Variants in IL1RAP observed in about 807,000 individuals in gnomAD.
IL1RAP encodes interleukin 1 receptor accessory protein.
Under a neutral mutation model 60.7 loss-of-function variants are expected in IL1RAP, and 35 were observed. The observed-to-expected ratio is 0.58, with a 90% CI of 0.44 to 0.76. IL1RAP has a LOEUF of 0.76. IL1RAP is among the 30% of genes least tolerant of loss of function. The pLI is 0.00. For missense variants in IL1RAP, 572 were observed against 693.9 expected (o/e 0.82, Z 1.97); for synonymous variants, 268 against 250.9 (o/e 1.07, Z -0.64).
intron 1 of IL1RAP, among the ~76,000 whole-genome samples, chr3:190,533,827 G>A (rs1723190260): frequency 6.6e-6 from 1 of 152,130 alleles, no homozygotes; most frequent in African/African-American, 2.4e-5. Context: ...GGCCAGACAA[G>A]CATCCCCTGA....
chr3:190,607,184 T>C (rs917526018), intron 4 of IL1RAP, among the ~76,000 whole-genome samples: 4 of 152,244 alleles, frequency 2.6e-5, no homozygotes, highest in African/African-American at 9.6e-5. Flanking sequence ...TAAGTCATTT[T>C]GGTACCAGAT....
intron 9 of IL1RAP, among the ~76,000 whole-genome samples, chr3:190,641,719 A>G (rs1401341429): frequency 6.6e-6 from 1 of 152,222 alleles, no homozygotes; most frequent in Non-Finnish European, 1.5e-5. Context: ...GCAGCCAGCA[A>G]CAACCTCCAC....
chr3:190,631,146 G>A (rs1349575752), intron 9 of IL1RAP, among the ~76,000 whole-genome samples: 1 of 152,154 alleles, frequency 6.6e-6, no homozygotes, highest in Non-Finnish European at 1.5e-5. Flanking sequence ...GATTATAGTG[G>A]CAGGATGTTT....
chr3:190,619,740 A>G (rs1015035404), intron 5 of IL1RAP, among the ~76,000 whole-genome samples: 18 of 152,000 alleles, frequency 1.2e-4, no homozygotes, highest in Non-Finnish European at 2.4e-4. Context: ...AAAAAAAAAA[A>G]AGTAATAAAA....
At chr3:190,607,271 C>CACATA in intron 4 of IL1RAP, among the ~76,000 whole-genome samples, 1 of 152,164 alleles carries the variant, frequency 6.6e-6, no homozygotes, top group South Asian at 2.1e-4. Flanking sequence ...ACATAGACTC[C>CACATA]TTATCCCATC....
chr3:190,530,849 T>A (rs1722925902), intron 1 of IL1RAP, among the ~76,000 whole-genome samples: 1 of 152,202 alleles, frequency 6.6e-6, no homozygotes, highest in Admixed American at 6.5e-5. Flanking sequence ...ATGTTCATTA[T>A]CTCATTTGAT....
rs145852705 is a variant in IL1RAP, at chr3:190,565,351, G to A, written c.64+998G>A. Among the ~76,000 whole-genome samples, 316 of 152,144 alleles carry A rather than the reference G, an allele frequency of 2.1e-3. 1 individual carries two copies. Among genetic ancestry groups the A allele is most frequent in the African/African-American group, 7.5e-3 (310 of 41,510 alleles). ...CTTTAATTCCTTTTCTTTGTGAGAG[G>A]GCTTCTGCAATGTTAAGTTAGCTAC... On this transcript the variant is annotated intron_variant, in intron 3 of 11. Transcript: ENST00000447382.
chr3:190,565,255 G>A (rs968480013), intron 3 of IL1RAP, among the ~76,000 whole-genome samples: 3 of 151,652 alleles, frequency 2.0e-5, no homozygotes, highest in South Asian at 2.1e-4. Flanking sequence ...GGAACCTAGA[G>A]GTCCTCATTT....
chr3:190,650,971 ATTT>A lies in IL1RAP; in HGVS notation c.*2267_*2269del. 3.0e-6 allele frequency: 3 copies of A among 985,350 alleles called. No individual in the cohort carries two copies. In the Middle Eastern group the frequency reaches 1.6e-3, roughly 515 times the overall value. 61.0% of individuals were successfully genotyped at this position (985,350 alleles called of 1,614,324 possible). Reference sequence around the variant, plus strand: ...CTAGAAATACCTTGATGTTTTTTCTATTTATATGCCTGCCTTTGGTACTTAATT... The same window carrying A: ...CTAGAAATACCTTGATGTTTTTTCTAATATGCCTGCCTTTGGTACTTAATT... On this transcript the variant is annotated 3_prime_UTR_variant, in exon 12 of 12. Transcript: ENST00000447382.
intron 1 of IL1RAP, among the ~76,000 whole-genome samples, chr3:190,515,720 A>G (rs1721454866): frequency 6.6e-6 from 1 of 152,072 alleles, no homozygotes; most frequent in Admixed American, 6.6e-5. Context: ...AAAGACAAGA[A>G]GACAAAGTTG....
At position 190,649,051 on chromosome 3, in the gene IL1RAP, T is replaced by G. The variant is rs958348126; in HGVS notation, c.*346T>G. On this transcript the variant is annotated 3_prime_UTR_variant, in exon 12 of 12. Coordinates refer to ENST00000447382, the MANE Select transcript of IL1RAP (RefSeq NM_002182.4). ...CATATGGAGCAGCCTTTCCTATGAATTTAAATATGCCTTTAAAATAAGTCA... is the reference window on the plus strand; with the variant it reads ...CATATGGAGCAGCCTTTCCTATGAAGTTAAATATGCCTTTAAAATAAGTCA... 2.0e-6 allele frequency: 2 copies of G among 1,003,940 alleles called. No individual in the cohort carries two copies. Among genetic ancestry groups the G allele is most frequent in the Non-Finnish European group, 2.4e-6 (2 of 842,584 alleles). The allele number at this position is 1,003,940 out of a possible 1,614,324, so 62.2% of individuals were successfully genotyped here.
chr3:190,628,492 G>C (rs1236603153), intron 8 of IL1RAP, among the ~76,000 whole-genome samples: 3 of 152,172 alleles, frequency 2.0e-5, no homozygotes, highest in Admixed American at 2.0e-4. Flanking sequence ...AGTAAGCCTA[G>C]TTAAAAAGAG....
intron 1 of IL1RAP, among the ~76,000 whole-genome samples, chr3:190,527,052 C>A (rs909906526): frequency 6.6e-6 from 1 of 152,190 alleles, no homozygotes; most frequent in Admixed American, 6.5e-5. Context: ...TCCAACCTTG[C>A]CTGTCTATCT....
At chr3:190,624,826 A>T (rs1342978504) in intron 7 of IL1RAP, 1 of 161,580 alleles carries the variant, frequency 6.2e-6, no homozygotes, top group Non-Finnish European at 1.4e-5. Flanking sequence ...TACAGCCCTG[A>T]TGCGTATCTC....
intron 7 of IL1RAP, among the ~76,000 whole-genome samples, chr3:190,626,919 C>A (rs939255488): frequency 2.0e-5 from 3 of 152,128 alleles, no homozygotes; most frequent in Non-Finnish European, 2.9e-5. Context: ...ATCCACCTGC[C>A]TCGGCCTCCC....
At chr3:190,617,460 G>A (rs758644074) in intron 5 of IL1RAP, among the ~76,000 whole-genome samples, 38 of 152,084 alleles carry the variant, frequency 2.5e-4, no homozygotes, top group Admixed American at 3.9e-4. Context: ...TTGAAAAATC[G>A]CTCTTCTATT....
intron 1 of IL1RAP, chr3:190,520,454 A>G (rs977589952): frequency 6.6e-6 from 1 of 152,190 alleles, no homozygotes; most frequent in Non-Finnish European, 1.5e-5. Context: ...TACTAGCTCA[A>G]TGATGGGAAA....
intron 3 of IL1RAP, among the ~76,000 whole-genome samples, chr3:190,574,536 A>G (rs369358017): frequency 1.2e-3 from 178 of 152,248 alleles, no homozygotes; most frequent in African/African-American, 4.2e-3. Flanking sequence ...TCCTTTTCCA[A>G]TGACTGACTG....
intron 9 of IL1RAP, among the ~76,000 whole-genome samples, chr3:190,636,259 T>C (rs1733214393): frequency 6.6e-6 from 1 of 152,248 alleles, no homozygotes; most frequent in African/African-American, 2.4e-5. Context: ...AATATCCTTC[T>C]GATTTTTCCA....
Sources: allele counts gnomAD v4.1 joint callset (sites outside exome capture counted in the v4.1 genomes callset), GRCh38; gene constraint gnomAD v4.1.1; transcripts MANE v1.5; gene names NCBI Gene and HGNC (gene_info 2026-07-23, HGNC 2026-07-21).